KCNJ4: variants seen among roughly 807,000 people sequenced by gnomAD.
KCNJ4 encodes potassium inwardly rectifying channel subfamily J member 4.
In KCNJ4, 3 loss-of-function variants were observed where a neutral mutation model predicts 25.6. The observed-to-expected ratio is 0.12, with a 90% confidence interval of 0.05 to 0.30. The LOEUF is 0.30. Ranked by LOEUF, KCNJ4 falls within the 10% of genes least tolerant of loss-of-function variation. KCNJ4 has a pLI of 1.00. For synonymous variants in KCNJ4, 257 were observed against 283.9 expected (o/e 0.91, Z 0.95); for missense variants, 286 against 666.8 (o/e 0.43, Z 6.29).
In KCNJ4 at chr22:38,427,810, G is replaced by A. The variant is rs896073361; in HGVS notation, c.323C>T (p.Pro108Leu). ...CATGATGCAGGGCTTGGGGGCCACC[G>A]GGGCTGCTCCGCCACCACCCGCCGC... ...GPAAGGGGAA[P>L]VAPKPCIMHV... Residue 108 changes from proline to leucine, a missense_variant, in exon 2 of 2, where the codon CCG becomes CTG. Physicochemically the swap from Pro to Leu is moderately conservative, Grantham distance 98. Around this residue, in one of 11 missense-constraint regions of KCNJ4, gnomAD observed 29 missense variants for 107.7 expected, o/e 0.27. Coordinates refer to ENST00000303592, the MANE Select transcript of KCNJ4 (RefSeq NM_152868.3). 3.1e-6 allele frequency: 5 copies of A among 1,609,388 alleles called. No homozygotes were observed. The highest frequency in any genetic ancestry group is 3.3e-5 in the Admixed American group (2 of 59,856).
intron 1 of KCNJ4, among the ~76,000 whole-genome samples, chr22:38,439,629 G>A (rs2089317627): frequency 6.8e-6 from 1 of 147,646 alleles, no homozygotes. Context: ...ACAAAAATTA[G>A]CCGGGTGTGG....
intron 1 of KCNJ4, among the ~76,000 whole-genome samples, chr22:38,446,418 C>T (rs1224540898): frequency 1.3e-5 from 2 of 150,218 alleles, no homozygotes; most frequent in South Asian, 2.1e-4. Context: ...AGCCTCATGG[C>T]GGGGCTGGCA....
rs538100470 is a variant in KCNJ4 at position 38,447,957 on chromosome 22, G to A, written c.-40+7023C>T. On this transcript the variant is annotated intron_variant, in intron 1 of 1. Coordinates refer to ENST00000303592, the MANE Select transcript of KCNJ4 (RefSeq NM_152868.3). ...CACACGCCTGTAGTCCCAGCTACTC[G>A]GGAGGCTGAGGCGGAAGAATCACTT... is the stretch of plus-strand genomic sequence containing the variant. Among the ~76,000 whole-genome samples the A allele has an allele frequency of 6.6e-5, 10 of 151,946 alleles. No individual in the cohort carries two copies. The South Asian group carries it at 1.7e-3, about 25-fold the overall frequency.
intron 1 of KCNJ4, among the ~76,000 whole-genome samples, chr22:38,446,222 C>T (rs2089373884): frequency 6.6e-6 from 1 of 152,238 alleles, no homozygotes; most frequent in African/African-American, 2.4e-5. Flanking sequence ...GGCTGGCTGG[C>T]CATTCTCCTC....
At chr22:38,437,873 T>C (rs1032080364) in intron 1 of KCNJ4, among the ~76,000 whole-genome samples, 1 of 152,004 alleles carries the variant, frequency 6.6e-6, no homozygotes, top group Non-Finnish European at 1.5e-5. Flanking sequence ...GAGGCCGAAG[T>C]GGGCAGATAA....
chr22:38,450,783 G>C (rs549138867), intron 1 of KCNJ4, among the ~76,000 whole-genome samples: 52 of 152,272 alleles, frequency 3.4e-4, no homozygotes, highest in Admixed American at 7.2e-4. Context: ...ATGCATGGTG[G>C]TATCTGTCTT....
At chr22:38,430,203 CATCTTGAAAATGGG>C (rs1733668556) in intron 1 of KCNJ4, among the ~76,000 whole-genome samples, 3 of 152,212 alleles carry the variant, frequency 2.0e-5, no homozygotes, top group African/African-American at 7.2e-5. Flanking sequence ...TCAGTTTCCT[CATCTTGAAAATGGG>C]GCTGACTGGG....
Position 38,428,084 on chromosome 22 carries a change from G to T in KCNJ4, c.49C>A (p.Arg17Ser). Residue 17 changes from arginine (R) to serine (S), a missense_variant, in exon 2 of 2, where the codon CGC becomes AGC. Coordinates refer to ENST00000303592, the MANE Select transcript of KCNJ4 (RefSeq NM_152868.3). Reference sequence around the variant, plus strand: ...TTCTTCTTGACGAAGCGGTTGCGGCGCTTCCGCCGGGGCACGTGGGCCTGG... The same window carrying T: ...TTCTTCTTGACGAAGCGGTTGCGGCTCTTCCGCCGGGGCACGTGGGCCTGG... ...NGQAHVPRRK[R>S]RNRFVKKNGQ... The T allele has an allele frequency of 6.2e-7, 1 of 1,613,712 alleles. No individual in the cohort carries two copies. Among genetic ancestry groups the T allele is most frequent in the Non-Finnish European group, 8.5e-7 (1 of 1,179,820 alleles).
chr22:38,452,432 C>A (rs894877283), intron 1 of KCNJ4, among the ~76,000 whole-genome samples: 1 of 152,228 alleles, frequency 6.6e-6, no homozygotes, highest in Non-Finnish European at 1.5e-5. Flanking sequence ...CCGCTGCCCC[C>A]AGAAGCCCCC....
Position 38,430,554 on chromosome 22 carries a change from C to G in KCNJ4, c.-39-2383G>C, listed in dbSNP as rs1430528970. 2.6e-5 allele frequency among the ~76,000 whole-genome samples: 4 copies of G among 152,088 alleles called. 1 individual carries two copies. The highest frequency in any genetic ancestry group is 5.9e-5 in the Non-Finnish European group (4 of 68,006). On this transcript the variant is annotated intron_variant, in intron 1 of 1. Transcript: ENST00000303592. The stretch of plus-strand genomic sequence containing the variant: ...GGCCAATGAGATATCATGCTGGAGA[C>G]CCGACAGGTCATGCAGGCACGGCCT...
Position 38,439,363 on chromosome 22 carries a change from C to T in KCNJ4, c.-39-11192G>A, listed in dbSNP as rs1475851529. Among the ~76,000 whole-genome samples, 7 of 152,210 alleles carry T rather than the reference C, an allele frequency of 4.6e-5. No individual in the cohort carries two copies. In the South Asian group the frequency reaches 8.3e-4, roughly 18 times the overall value. Reference sequence around the variant, plus strand: ...AAGAGAATCACTTAAACCCGGGAGGCGGAGGGTACAGTCAGCCAAGGTCAC... The same window carrying T: ...AAGAGAATCACTTAAACCCGGGAGGTGGAGGGTACAGTCAGCCAAGGTCAC... On this transcript the variant is annotated intron_variant, in intron 1 of 1. Coordinates refer to ENST00000303592, the MANE Select transcript of KCNJ4 (RefSeq NM_152868.3).
At position 38,433,943 on chromosome 22, in the gene KCNJ4, T is replaced by G. The variant is rs1179878661; in HGVS notation, c.-39-5772A>C. 2.0e-5 allele frequency among the ~76,000 whole-genome samples: 3 copies of G among 152,164 alleles called. No homozygotes were observed. The East Asian group carries it at 5.8e-4, about 29-fold the overall frequency. ...TATCTGTCCTTGCCCACAACTCCCT[T>G]TGCAAAAGAAAAGCTGATCAGCTTG... is the stretch of plus-strand genomic sequence containing the variant. On this transcript the variant is annotated intron_variant, in intron 1 of 1. Coordinates refer to ENST00000303592, the MANE Select transcript of KCNJ4 (RefSeq NM_152868.3).
At chr22:38,438,284 C>T (rs2089307445) in intron 1 of KCNJ4, among the ~76,000 whole-genome samples, 1 of 149,642 alleles carries the variant, frequency 6.7e-6, no homozygotes, top group African/African-American at 2.5e-5. Context: ...GCTGTAATCC[C>T]AGCTACTTGG....
chr22:38,448,694 A>G (rs1199669691), intron 1 of KCNJ4, among the ~76,000 whole-genome samples: 1 of 152,172 alleles, frequency 6.6e-6, no homozygotes, highest in Admixed American at 6.5e-5. Context: ...CCGGGTTGAG[A>G]GGCTCTGCCA....
intron 1 of KCNJ4, among the ~76,000 whole-genome samples, chr22:38,447,418 G>A (rs1264710984): frequency 6.6e-6 from 1 of 152,098 alleles, no homozygotes; most frequent in Non-Finnish European, 1.5e-5. Flanking sequence ...TTCACCCCCA[G>A]CCAGGGCCTC....
At chr22:38,453,812 C>T (rs923074356) in intron 1 of KCNJ4, among the ~76,000 whole-genome samples, 1 of 152,208 alleles carries the variant, frequency 6.6e-6, no homozygotes, top group African/African-American at 2.4e-5. Context: ...AGAGTCCCTC[C>T]TCCCAGTGAG....
rs905594623 is a variant in KCNJ4, at chr22:38,449,268, G to A, written c.-40+5712C>T. 3.3e-5 allele frequency among the ~76,000 whole-genome samples: 5 copies of A among 152,220 alleles called. No homozygotes were observed. The highest frequency in any genetic ancestry group is 6.5e-5 in the Admixed American group (1 of 15,292). On this transcript the variant is annotated intron_variant, in intron 1 of 1. Coordinates refer to ENST00000303592, the MANE Select transcript of KCNJ4 (RefSeq NM_152868.3). The surrounding 1 kb of genome is among the most constrained non-coding windows in gnomAD (Gnocchi z 5.2). ...TGGAGGGGCTGGCACTGGGTGCACA[G>A]TAGGACAAAGCATCTGTGGCTGTTT... is the stretch of plus-strand genomic sequence containing the variant.
chr22:38,445,791 G>C (rs2145945795), intron 1 of KCNJ4, among the ~76,000 whole-genome samples: 1 of 152,334 alleles, frequency 6.6e-6, no homozygotes, highest in South Asian at 2.1e-4. Flanking sequence ...TAACGGGGCA[G>C]GACCTGTGTG....
intron 1 of KCNJ4, among the ~76,000 whole-genome samples, chr22:38,439,617 A>G (rs2089317518): frequency 6.9e-6 from 1 of 144,690 alleles, no homozygotes; most frequent in Non-Finnish European, 1.5e-5. Flanking sequence ...TCTACTAAAA[A>G]TACAAAAATT....
Sources: allele counts gnomAD v4.1 joint callset (sites outside exome capture counted in the v4.1 genomes callset), GRCh38; gene constraint gnomAD v4.1.1; regional missense constraint gnomAD v4.1.1; non-coding constraint Gnocchi (gnomAD v3.1); transcripts MANE v1.5; gene names NCBI Gene and HGNC (gene_info 2026-07-23, HGNC 2026-07-21).